The following CTNND2 variants were observed in gnomAD, a reference collection of about 807,000 sequenced individuals.
CTNND2 encodes catenin delta-2.
A neutral mutation model predicts 144.4 loss-of-function variants in CTNND2; 22 were observed. That is an observed-to-expected ratio of 0.15 (90% CI 0.11 to 0.22). The LOEUF (loss-of-function observed/expected upper bound fraction) is 0.22. Ranked by LOEUF, CTNND2 falls within the 10% of genes least tolerant of loss-of-function variation. CTNND2 has a pLI of 1.00. For missense variants in CTNND2, 1,353 were observed against 1,618.8 expected, an observed-to-expected ratio of 0.84 and a Z score of 2.82; for synonymous variants, 751 against 695.6, an observed-to-expected ratio of 1.08 and a Z score of -1.25.
At chr5:11,893,462 T>C (rs755261895) in intron 1 of CTNND2, among the ~76,000 whole-genome samples, 33 of 152,336 alleles carry the variant, frequency 2.2e-4, no homozygotes, top group Middle Eastern at 3.4e-3. Context: ...GTTTGTTGAA[T>C]GAATGCATAA....
chr5:11,443,440 G>C (rs1165613940), intron 3 of CTNND2, among the ~76,000 whole-genome samples: 1 of 146,232 alleles, frequency 6.8e-6, no homozygotes, highest in African/African-American at 2.5e-5. Flanking sequence ...GGGGTGTGTG[G>C]TGTGTGTATG....
chr5:11,190,354 C>T (rs761050272), intron 11 of CTNND2, among the ~76,000 whole-genome samples: 1 of 152,204 alleles, frequency 6.6e-6, no homozygotes, highest in Non-Finnish European at 1.5e-5. Flanking sequence ...GGATGAAAGG[C>T]CATGAGGAAC....
chr5:11,198,471 C>A (rs777443724), intron 11 of CTNND2, among the ~76,000 whole-genome samples: 5 of 152,196 alleles, frequency 3.3e-5, no homozygotes, highest in Non-Finnish European at 7.3e-5. Flanking sequence ...ATATTTATGA[C>A]TCTCTAGCTT....
At chr5:11,536,342 G>C (rs898556805) in intron 3 of CTNND2, among the ~76,000 whole-genome samples, 2 of 152,154 alleles carry the variant, frequency 1.3e-5, no homozygotes, top group Non-Finnish European at 2.9e-5. Flanking sequence ...GGGATTACAG[G>C]TGTGAGCCAC....
chr5:11,085,435 A>G (rs1750028268), intron 15 of CTNND2, among the ~76,000 whole-genome samples: 1 of 152,236 alleles, frequency 6.6e-6, no homozygotes, highest in Non-Finnish European at 1.5e-5. Context: ...TAGTAGGTCC[A>G]ATACAAGAAG....
chr5:11,451,179 G>A (rs1399590194), intron 3 of CTNND2, among the ~76,000 whole-genome samples: 1 of 151,922 alleles, frequency 6.6e-6, no homozygotes, highest in Non-Finnish European at 1.5e-5. Flanking sequence ...TTTTTCATGT[G>A]TGTATTGTTG....
chr5:11,813,815 A>C (rs1168344578), intron 1 of CTNND2, among the ~76,000 whole-genome samples: 1 of 152,208 alleles, frequency 6.6e-6, no homozygotes, highest in African/African-American at 2.4e-5. Context: ...CACTCAGCCT[A>C]GAACAAACAT....
chr5:11,397,758 C>A (rs1487789619), intron 5 of CTNND2, among the ~76,000 whole-genome samples: 3 of 152,166 alleles, frequency 2.0e-5, no homozygotes, highest in Non-Finnish European at 4.4e-5. Flanking sequence ...CTCACATAAT[C>A]CCTGATGACT....
intron 9 of CTNND2, among the ~76,000 whole-genome samples, chr5:11,344,528 T>C (rs997210865): frequency 2.0e-5 from 3 of 152,322 alleles, no homozygotes; most frequent in South Asian, 2.1e-4. Context: ...TAAACCACAA[T>C]AGTCCAGTTC....
At chr5:11,231,077 T>C (rs143549931) in intron 10 of CTNND2, among the ~76,000 whole-genome samples, 1 of 152,172 alleles carries the variant, frequency 6.6e-6, no homozygotes, top group East Asian at 1.9e-4. Flanking sequence ...GTTCTCGTGA[T>C]AATGAGTGAG....
At chr5:11,662,130 C>CATATATGTGTATATATGTGT (rs1554101198) in intron 2 of CTNND2, among the ~76,000 whole-genome samples, 1 of 126,052 alleles carries the variant, frequency 7.9e-6, no homozygotes, top group Admixed American at 7.7e-5. Context: ...TATATATATA[C>CATATATGTGTATATATGTGT]ATATATGTAT....
At chr5:11,229,444 C>T (rs1470099697) in intron 10 of CTNND2, among the ~76,000 whole-genome samples, 2 of 151,972 alleles carry the variant, frequency 1.3e-5, no homozygotes, top group Non-Finnish European at 2.9e-5. Flanking sequence ...CCACTTGTGC[C>T]CAGGAGTTCA....
intron 3 of CTNND2, among the ~76,000 whole-genome samples, chr5:11,545,919 A>T (rs557242910): frequency 1.3e-5 from 2 of 152,188 alleles, no homozygotes; most frequent in African/African-American, 2.4e-5. Context: ...ACTTCTCCAT[A>T]TATATCTATA....
At chr5:11,777,697 T>C (rs1454539733) in intron 1 of CTNND2, among the ~76,000 whole-genome samples, 2 of 152,220 alleles carry the variant, frequency 1.3e-5, no homozygotes, top group African/African-American at 4.8e-5. Context: ...AGCATCTCCC[T>C]ACAGCAAAAT....
intron 2 of CTNND2, among the ~76,000 whole-genome samples, chr5:11,709,810 T>C (rs1004383842): frequency 1.3e-5 from 2 of 152,150 alleles, no homozygotes; most frequent in African/African-American, 2.4e-5. Context: ...TAAACTAATG[T>C]TTTCTTAGCT....
intron 1 of CTNND2, among the ~76,000 whole-genome samples, chr5:11,829,527 C>A (rs1416439407): frequency 6.6e-6 from 1 of 152,196 alleles, no homozygotes; most frequent in African/African-American, 2.4e-5. Context: ...TACAAAGCCC[C>A]AAGCGTTGTC....
At chr5:11,805,225 C>T (rs1237305723) in intron 1 of CTNND2, among the ~76,000 whole-genome samples, 1 of 152,114 alleles carries the variant, frequency 6.6e-6, no homozygotes, top group African/African-American at 2.4e-5. Flanking sequence ...GGACACATCA[C>T]TGTGAACTGA....
At chr5:11,307,337 GTGTGTGTA>G (rs1223128622) in intron 9 of CTNND2, among the ~76,000 whole-genome samples, 109 of 145,288 alleles carry the variant, frequency 7.5e-4, no homozygotes, top group African/African-American at 2.6e-3. Flanking sequence ...GTGTGTGTGT[GTGTGTGTA>G]CACAAGGGAA....
intron 9 of CTNND2, among the ~76,000 whole-genome samples, chr5:11,344,318 G>A (rs1580967148): frequency 6.6e-6 from 1 of 151,878 alleles, no homozygotes; most frequent in Non-Finnish European, 1.5e-5. Context: ...TGTGAACCCG[G>A]AAGGCGGAGC....
Sources: gnomAD v4.1 joint callset for allele counts (sites outside exome capture counted in the v4.1 genomes callset) on GRCh38, gnomAD v4.1.1 for gene constraint, MANE v1.5 for transcripts, NCBI Gene and HGNC (gene_info 2026-07-23, HGNC 2026-07-21) for gene names.